Variants in MCTP1 observed in about 807,000 individuals in gnomAD.
MCTP1 encodes the protein multiple C2 and transmembrane domain containing 1, also known as multiple C2 and transmembrane domain-containing protein 1.
Under a neutral mutation model 120.6 loss-of-function variants are expected in MCTP1, and 69 were observed. That is an observed-to-expected ratio of 0.57 (90% confidence interval 0.47 to 0.70). MCTP1 has a LOEUF of 0.70. MCTP1 is among the 30% of genes least tolerant of loss of function. The probability of loss-of-function intolerance (pLI) is 0.00; values close to 1 mark genes in which losing one functional copy is unlikely to be tolerated. For synonymous variants in MCTP1, 529 were observed against 493.1 expected (o/e 1.07, Z -0.96); for missense variants, 1,203 against 1,248.8 (o/e 0.96, Z 0.55).
chr5:95,108,440 C>A (rs1179594380), intron 1 of MCTP1, among the ~76,000 whole-genome samples: 1 of 152,122 alleles, frequency 6.6e-6, no homozygotes. Context: ...GATTAATAAC[C>A]AGCTTAATGT....
At chr5:94,784,378 A>G (rs1777190442) in intron 18 of MCTP1, among the ~76,000 whole-genome samples, 1 of 152,084 alleles carries the variant, frequency 6.6e-6, no homozygotes, top group South Asian at 2.1e-4. Flanking sequence ...GAGAAGACGC[A>G]TATAATCACT....
chr5:94,871,523 T>C, intron 13 of MCTP1, 106 bp from the exon 14 acceptor site: 2 of 772,694 alleles, frequency 2.6e-6, no homozygotes, highest in Non-Finnish European at 4.4e-6. Flanking sequence ...TGTGTGTTTG[T>C]AAGCATGCTA....
chr5:95,102,689 T>A (rs912351111), intron 1 of MCTP1, among the ~76,000 whole-genome samples: 2 of 151,544 alleles, frequency 1.3e-5, no homozygotes, highest in Non-Finnish European at 2.9e-5. Context: ...ATTGTAACAA[T>A]CCATGATTAC....
At chr5:95,255,353 CTACATTT>C (rs1757771714) in intron 1 of MCTP1, among the ~76,000 whole-genome samples, 1 of 152,120 alleles carries the variant, frequency 6.6e-6, no homozygotes, top group South Asian at 2.1e-4. Context: ...TAGAATTTAC[CTACATTT>C]TAAAGAATTG....
At chr5:94,781,449 C>T (rs1185821985) in intron 18 of MCTP1, among the ~76,000 whole-genome samples, 1 of 152,056 alleles carries the variant, frequency 6.6e-6, no homozygotes. Context: ...GGTAAAGTGT[C>T]TATCATGTAT....
At chr5:95,212,963 A>T (rs1426601788) in intron 1 of MCTP1, among the ~76,000 whole-genome samples, 1 of 152,180 alleles carries the variant, frequency 6.6e-6, no homozygotes, top group African/African-American at 2.4e-5. Context: ...CAAGACAGGG[A>T]TGCCCTCTCT....
At chr5:94,920,709 T>C (rs1445765386) in intron 7 of MCTP1, among the ~76,000 whole-genome samples, 1 of 151,230 alleles carries the variant, frequency 6.6e-6, no homozygotes, top group African/African-American at 2.4e-5. Flanking sequence ...GCCACTGCAC[T>C]CCAGCCCGGG....
chr5:95,166,382 G>T (rs936300251), intron 1 of MCTP1, among the ~76,000 whole-genome samples: 4 of 152,066 alleles, frequency 2.6e-5, no homozygotes, highest in Non-Finnish European at 5.9e-5. Context: ...AAAAATGCAG[G>T]TAAGTGTATG....
Position 94,867,068 on chromosome 5 carries a change from A to G in MCTP1, c.2436+1265T>C. 7.1e-6 allele frequency: 3 copies of G among 425,090 alleles called. 1 individual carries two copies. In the South Asian group the frequency reaches 1.8e-4, roughly 25 times the overall value. 26.3% of individuals were successfully genotyped at this position (425,090 alleles called of 1,614,324 possible). On this transcript the variant is annotated intron_variant, in intron 17 of 22. Coordinates refer to ENST00000515393, the MANE Select transcript of MCTP1 (RefSeq NM_024717.7). ...CTGGAAGTAATAGTCTAAAATAGAC[A>G]TAGAAGCTCAGTATCATTTTTTCTC...
chr5:94,918,026 A>C, intron 7 of MCTP1, 53 bp from the exon 8 acceptor site: 22 of 1,345,364 alleles, frequency 1.6e-5, no homozygotes, highest in Non-Finnish European at 2.2e-5. Context: ...TACCATTCTC[A>C]ACCCCTCATT....
chr5:94,748,367 C>T (rs994993957), intron 19 of MCTP1, among the ~76,000 whole-genome samples: 3 of 152,206 alleles, frequency 2.0e-5, no homozygotes, highest in African/African-American at 7.2e-5. Context: ...AGACAGCAGT[C>T]CGTTAAGGCT....
intron 1 of MCTP1, among the ~76,000 whole-genome samples, chr5:95,136,983 A>G (rs1759498391): frequency 1.3e-5 from 2 of 152,186 alleles, no homozygotes; most frequent in South Asian, 4.1e-4. Flanking sequence ...TATGCCACCC[A>G]CTCATCTAGA....
intron 2 of MCTP1, among the ~76,000 whole-genome samples, chr5:95,003,636 T>C (rs1042438620): frequency 6.6e-6 from 1 of 152,232 alleles, no homozygotes; most frequent in Non-Finnish European, 1.5e-5. Context: ...GAGAATACAG[T>C]AGGTCCTCAC....
intron 1 of MCTP1, among the ~76,000 whole-genome samples, chr5:95,020,432 C>G (rs1837980404): frequency 6.6e-6 from 1 of 151,988 alleles, no homozygotes; most frequent in Admixed American, 6.6e-5. Flanking sequence ...CTTCTACAAA[C>G]TTCTAATTTA....
At chr5:95,207,074 A>T (rs938149414) in intron 1 of MCTP1, among the ~76,000 whole-genome samples, 2 of 152,172 alleles carry the variant, frequency 1.3e-5, no homozygotes, top group Non-Finnish European at 2.9e-5. Flanking sequence ...TAATCCTAAC[A>T]CACTTAAGGG....
chr5:95,265,014 G>A (rs973778133), intron 1 of MCTP1, among the ~76,000 whole-genome samples: 1 of 152,116 alleles, frequency 6.6e-6, no homozygotes, highest in African/African-American at 2.4e-5. Flanking sequence ...TTGAGCTCCT[G>A]TATCTTGCAA....
At chr5:94,873,744 A>C (rs1472886352) in intron 12 of MCTP1, among the ~76,000 whole-genome samples, 3 of 152,022 alleles carry the variant, frequency 2.0e-5, no homozygotes, top group Admixed American at 6.6e-5. Context: ...TTTTAATTGG[A>C]CTAAGATTGA....
chr5:94,927,635 T>G (rs1233996548), intron 6 of MCTP1, among the ~76,000 whole-genome samples: 2 of 152,194 alleles, frequency 1.3e-5, no homozygotes, highest in African/African-American at 4.8e-5. Flanking sequence ...ATAATGACTT[T>G]TTTTCATCAT....
chr5:95,143,645 G>C (rs1280877191), intron 1 of MCTP1, among the ~76,000 whole-genome samples: 1 of 152,136 alleles, frequency 6.6e-6, no homozygotes, highest in Non-Finnish European at 1.5e-5. Flanking sequence ...TTACATGTGA[G>C]TACATGCGGC....
Sources: allele counts gnomAD v4.1 joint callset (sites outside exome capture counted in the v4.1 genomes callset), GRCh38; gene constraint gnomAD v4.1.1; transcripts MANE v1.5; gene names NCBI Gene and HGNC (gene_info 2026-07-23, HGNC 2026-07-21).